The following SIPA1L2 variants were observed in gnomAD, a reference collection of about 807,000 sequenced individuals.
SIPA1L2 encodes signal-induced proliferation-associated 1-like protein 2.
SIPA1L2 carries 56 observed loss-of-function variants against 163.9 expected under a neutral mutation model. The observed-to-expected ratio is 0.34, with a 90% CI of 0.28 to 0.43. The LOEUF (loss-of-function observed/expected upper bound fraction) is 0.43. SIPA1L2 is among the 20% of genes least tolerant of loss of function. The probability of loss-of-function intolerance (pLI) is 1.00; values close to 1 mark genes in which losing one functional copy is unlikely to be tolerated. For synonymous variants in SIPA1L2, 877 were observed against 865.7 expected, an observed-to-expected ratio of 1.01 and a Z score of -0.23; for missense variants, 1,974 against 2,193.5, an observed-to-expected ratio of 0.90 and a Z score of 2.00.
intron 2 of SIPA1L2, among the ~76,000 whole-genome samples, chr1:232,522,268 G>C (rs1465344833): frequency 6.6e-6 from 1 of 152,128 alleles, no homozygotes; most frequent in Admixed American, 6.5e-5. Context: ...TGGTCCATGA[G>C]TTCCAGCCCC....
At chr1:232,592,634 AC>A (rs1228853678) in intron 1 of SIPA1L2, among the ~76,000 whole-genome samples, 1 of 152,210 alleles carries the variant, frequency 6.6e-6, no homozygotes, top group Admixed American at 6.5e-5. Flanking sequence ...GTTTACTGTT[AC>A]CCCAAAACTT....
At chr1:232,520,733 T>C (rs960915662) in intron 2 of SIPA1L2, among the ~76,000 whole-genome samples, 14 of 152,130 alleles carry the variant, frequency 9.2e-5, no homozygotes, top group African/African-American at 2.9e-4. Flanking sequence ...AATACTAATA[T>C]GGATAATAGG....
intron 1 of SIPA1L2, among the ~76,000 whole-genome samples, chr1:232,600,774 A>C (rs16857753): frequency 0.33 from 49,872 of 152,010 alleles, 8,965 homozygotes; most frequent in Non-Finnish European, 0.41. Context: ...GTTCCAGAGC[A>C]GAAGGTGGCA....
chr1:232,402,332 G>A (rs1248591638), intron 22 of SIPA1L2, 60 bp downstream of exon 22: 1 of 1,492,536 alleles, frequency 6.7e-7, no homozygotes, highest in Non-Finnish European at 9.2e-7. Context: ...ATCTGTAGTA[G>A]TTATAAGGGG....
intron 2 of SIPA1L2, among the ~76,000 whole-genome samples, chr1:232,547,566 G>A (rs933902072): frequency 6.7e-6 from 1 of 149,918 alleles, no homozygotes; most frequent in Non-Finnish European, 1.5e-5. Context: ...ACTGTGGCCC[G>A]GGGTGGGGGC....
intron 2 of SIPA1L2, among the ~76,000 whole-genome samples, chr1:232,534,824 C>G (rs1267226565): frequency 2.0e-5 from 3 of 152,176 alleles, no homozygotes; most frequent in Non-Finnish European, 4.4e-5. Flanking sequence ...TGAATCCTCC[C>G]GTTAACACTG....
intron 3 of SIPA1L2, among the ~76,000 whole-genome samples, chr1:232,507,147 C>T (rs1179068881): frequency 1.3e-5 from 2 of 150,962 alleles, no homozygotes; most frequent in African/African-American, 4.9e-5. Flanking sequence ...ATTTAGTTGT[C>T]ATGTCCCCTA....
At chr1:232,584,967 A>G (rs1263406153) in intron 1 of SIPA1L2, among the ~76,000 whole-genome samples, 1 of 152,216 alleles carries the variant, frequency 6.6e-6, no homozygotes, top group Admixed American at 6.5e-5. Context: ...GATTTACATC[A>G]AACATTCACT....
At position 232,543,090 on chromosome 1, in the gene SIPA1L2, T is replaced by C. The variant is rs1201660910; in HGVS notation, c.-269-27482A>G. Among the ~76,000 whole-genome samples, 6 of 152,280 alleles carry C rather than the reference T, an allele frequency of 3.9e-5. No individual in the cohort carries two copies. In the East Asian group the frequency reaches 9.6e-4, roughly 24 times the overall value. Reference sequence around the variant, plus strand: ...ACTAGAAGGGTCTCTCATTGTACAGTGTATCTAACACAACCAGTCACTGTC... The same window carrying C: ...ACTAGAAGGGTCTCTCATTGTACAGCGTATCTAACACAACCAGTCACTGTC... On this transcript the variant is annotated intron_variant, in intron 2 of 22. Coordinates refer to ENST00000674635, the MANE Select transcript of SIPA1L2 (RefSeq NM_020808.5).
chr1:232,580,463 C>T (rs979412973), intron 1 of SIPA1L2, among the ~76,000 whole-genome samples: 1 of 152,164 alleles, frequency 6.6e-6, no homozygotes, highest in African/African-American at 2.4e-5. Context: ...GTGTCAGCCT[C>T]ATTTTACTCA....
chr1:232,551,466 A>C (rs181698987), intron 2 of SIPA1L2, among the ~76,000 whole-genome samples: 83 of 152,356 alleles, frequency 5.4e-4, no homozygotes, highest in Non-Finnish European at 6.6e-4. Flanking sequence ...CAACAAGCTA[A>C]CTGAGGATGA....
intron 19 of SIPA1L2, among the ~76,000 whole-genome samples, chr1:232,411,609 A>G (rs1380929376): frequency 6.7e-6 from 1 of 150,202 alleles, no homozygotes; most frequent in Non-Finnish European, 1.5e-5. Context: ...TTTACAACTT[A>G]CTTCATTCCT....
At chr1:232,463,888 T>C (rs1664372310) in intron 9 of SIPA1L2, among the ~76,000 whole-genome samples, 1 of 152,214 alleles carries the variant, frequency 6.6e-6, no homozygotes, top group Non-Finnish European at 1.5e-5. Context: ...GAAATTACTT[T>C]TCCAAGGCTA....
chr1:232,440,320 C>T (rs887084393), intron 14 of SIPA1L2, among the ~76,000 whole-genome samples: 4 of 152,194 alleles, frequency 2.6e-5, no homozygotes, highest in Non-Finnish European at 2.9e-5. Flanking sequence ...ATCATAAGAA[C>T]GAGCCAGGCC....
In SIPA1L2 at chr1:232,514,112, G is replaced by C; in HGVS notation, c.1228C>G (p.Pro410Ala). The C allele has an allele frequency of 6.2e-7, 1 of 1,614,176 alleles. No individual in the cohort carries two copies. ...CCTCCAGTCTCATTTCTAAAGTAAG[G>C]ACAACTAAGGACGAGGTCGTTACTT... ...GKSNDLVLSC[P>A]YFRNETGGEG... Residue 410 changes from proline to alanine, a missense_variant, in exon 3 of 23, where the codon CCT becomes GCT. Physicochemically the swap from Pro to Ala is conservative, Grantham distance 27. Transcript: ENST00000674635.
Position 232,609,846 on chromosome 1 carries a change from GAAAAAGA to G in SIPA1L2, c.-319+20016_-319+20022del, listed in dbSNP as rs1662151228. Among the ~76,000 whole-genome samples the G allele has an allele frequency of 2.9e-5, 4 of 135,940 alleles. No homozygotes were observed. The South Asian group carries it at 7.1e-4, about 24-fold the overall frequency. The allele number at this position is 135,940 out of a possible 152,430, so 89.2% of individuals were successfully genotyped here. On this transcript the variant is annotated intron_variant, in intron 1 of 22. Transcript: ENST00000674635. Reference sequence around the variant, plus strand: ...CTCCATCTCAAAAAAAAAAAAAAAAGAAAAAGAAAAAAGAAAAAAAAGGAAGCAAACT... The same window carrying G: ...CTCCATCTCAAAAAAAAAAAAAAAAGAAAAAGAAAAAAAAGGAAGCAAACT...
At chr1:232,426,855 C>A (rs1400526792) in intron 17 of SIPA1L2, among the ~76,000 whole-genome samples, 1 of 152,170 alleles carries the variant, frequency 6.6e-6, no homozygotes, top group Non-Finnish European at 1.5e-5. Context: ...GAATTTTCAA[C>A]TACTTCCTTT....
At chr1:232,511,667 C>G (rs1023458274) in intron 3 of SIPA1L2, among the ~76,000 whole-genome samples, 6 of 152,030 alleles carry the variant, frequency 3.9e-5, no homozygotes, top group East Asian at 1.9e-4. Flanking sequence ...TGTTACCCAC[C>G]CTCCCCAACC....
At chr1:232,586,338 T>C (rs1005508642) in intron 1 of SIPA1L2, among the ~76,000 whole-genome samples, 1 of 152,186 alleles carries the variant, frequency 6.6e-6, no homozygotes, top group Non-Finnish European at 1.5e-5. Flanking sequence ...CTACAATGTA[T>C]TTATTAATAT....
Sources: allele counts gnomAD v4.1 joint callset (sites outside exome capture counted in the v4.1 genomes callset), GRCh38; gene constraint gnomAD v4.1.1; transcripts MANE v1.5; gene names NCBI Gene and HGNC (gene_info 2026-07-23, HGNC 2026-07-21).